The following MYO6 variants were observed in gnomAD, a reference collection of about 807,000 sequenced individuals.
MYO6 encodes the protein myosin VI.
In MYO6, 74 loss-of-function variants were observed where a neutral mutation model predicts 178.7. That is an observed-to-expected ratio of 0.41 (90% CI 0.34 to 0.50). The LOEUF (loss-of-function observed/expected upper bound fraction) is 0.50, where lower values mean the gene tolerates loss of function less well. Among genes scored for constraint, MYO6 ranks in the 20% least tolerant of loss-of-function variants. The pLI is 0.09. For missense variants in MYO6, 1,330 were observed against 1,547.4 expected (o/e 0.86, Z 2.36); for synonymous variants, 477 against 504.6 (o/e 0.95, Z 0.73).
intron 18 of MYO6, 33 bp downstream of exon 18, chr6:75,867,138 A>G (rs753396694): frequency 6.8e-7 from 1 of 1,478,470 alleles, no homozygotes; most frequent in Non-Finnish European, 9.2e-7. Flanking sequence ...TTTTTACTAT[A>G]TTTAAAATGA....
chr6:75,804,520 T>C (rs1237317271), intron 1 of MYO6, among the ~76,000 whole-genome samples: 1 of 152,152 alleles, frequency 6.6e-6, no homozygotes, highest in Non-Finnish European at 1.5e-5. Context: ...TCCCCTCCAC[T>C]GGAATTTAAG....
intron 1 of MYO6, among the ~76,000 whole-genome samples, chr6:75,758,381 G>A (rs946088540): frequency 4.6e-5 from 7 of 151,850 alleles, no homozygotes; most frequent in African/African-American, 1.7e-4. Context: ...GCTTATTTGG[G>A]GCTTATAGCA....
chr6:75,843,948 C>T (rs915922856), intron 9 of MYO6, among the ~76,000 whole-genome samples: 1 of 151,818 alleles, frequency 6.6e-6, no homozygotes, highest in Non-Finnish European at 1.5e-5. Context: ...GGAATTCATG[C>T]CATGGTACAA....
intron 11 of MYO6, among the ~76,000 whole-genome samples, chr6:75,851,922 A>T (rs919197066): frequency 6.6e-6 from 1 of 152,210 alleles, no homozygotes; most frequent in Non-Finnish European, 1.5e-5. Context: ...TGTCATAAAG[A>T]AGTTTTTGCA....
intron 23 of MYO6, among the ~76,000 whole-genome samples, chr6:75,884,689 T>A (rs1170121268): frequency 2.0e-5 from 3 of 152,170 alleles, no homozygotes; most frequent in Non-Finnish European, 4.4e-5. Context: ...GGGCTTGGGT[T>A]GGAGATGAAA....
chr6:75,787,702 CT>C (rs1767739111), intron 1 of MYO6, among the ~76,000 whole-genome samples: 1 of 66,980 alleles, frequency 1.5e-5, no homozygotes, highest in Non-Finnish European at 3.0e-5. Flanking sequence ...CTCTCTCTCT[CT>C]CTCTCTCTCT....
intron 7 of MYO6, among the ~76,000 whole-genome samples, chr6:75,839,556 C>CT (rs1160866776): frequency 6.6e-6 from 1 of 152,034 alleles, no homozygotes; most frequent in Non-Finnish European, 1.5e-5. Context: ...TCATGAAGCA[C>CT]TTTAAGTTTG....
intron 1 of MYO6, among the ~76,000 whole-genome samples, chr6:75,789,967 G>A (rs1768063819): frequency 6.6e-6 from 1 of 152,088 alleles, no homozygotes; most frequent in Admixed American, 6.6e-5. Flanking sequence ...TAGATTCCGT[G>A]TATGAGTGAG....
At chr6:75,767,667 C>T (rs1254358142) in intron 1 of MYO6, among the ~76,000 whole-genome samples, 1 of 151,680 alleles carries the variant, frequency 6.6e-6, no homozygotes, top group Non-Finnish European at 1.5e-5. Context: ...TACAGGTGCG[C>T]ACCACCACAC....
intron 1 of MYO6, among the ~76,000 whole-genome samples, chr6:75,755,235 A>C (rs147727423): frequency 4.1e-4 from 63 of 152,278 alleles, no homozygotes; most frequent in African/African-American, 1.5e-3. Context: ...CCCGTCTCTA[A>C]ATAAATAAAT....
chr6:75,761,811 G>C (rs1432517617), intron 1 of MYO6, among the ~76,000 whole-genome samples: 1 of 150,860 alleles, frequency 6.6e-6, no homozygotes, highest in African/African-American at 2.5e-5. Flanking sequence ...GGACAACAGA[G>C]TAGGTCAGCA....
chr6:75,807,671 A>G (rs992318726), intron 1 of MYO6, among the ~76,000 whole-genome samples: 1 of 152,216 alleles, frequency 6.6e-6, no homozygotes, highest in Non-Finnish European at 1.5e-5. Context: ...AAAGTAAAGG[A>G]ATAAAGAATA....
intron 29 of MYO6, 50 bp downstream of exon 29, chr6:75,895,310 G>A: frequency 1.4e-6 from 2 of 1,431,298 alleles, no homozygotes; most frequent in Non-Finnish European, 9.8e-7. Flanking sequence ...GATACTTTTT[G>A]GGAGTAGTTT....
intron 26 of MYO6, among the ~76,000 whole-genome samples, chr6:75,890,686 T>G (rs774621238): frequency 2.6e-5 from 4 of 152,184 alleles, no homozygotes; most frequent in African/African-American, 7.2e-5. Context: ...TGAACTAATT[T>G]TGTAATAAGT....
chr6:75,820,905 ATCT>A (rs1771806605), intron 2 of MYO6, among the ~76,000 whole-genome samples: 1 of 152,090 alleles, frequency 6.6e-6, no homozygotes, highest in Non-Finnish European at 1.5e-5. Flanking sequence ...AGACTATGTA[ATCT>A]TCTCAAGTGC....
chr6:75,787,806 C>A (rs1454832907), intron 1 of MYO6, among the ~76,000 whole-genome samples: 7 of 138,358 alleles, frequency 5.1e-5, no homozygotes. Context: ...GTTGCCCAGG[C>A]TGGAGTGCAG....
intron 1 of MYO6, among the ~76,000 whole-genome samples, chr6:75,769,258 C>T (rs534585185): frequency 1.3e-5 from 2 of 152,344 alleles, no homozygotes; most frequent in African/African-American, 4.8e-5. Context: ...ATACAATCAT[C>T]CCTTCCCAAA....
chr6:75,885,528 A>C (rs1397863984), intron 23 of MYO6, among the ~76,000 whole-genome samples: 6 of 151,410 alleles, frequency 4.0e-5, no homozygotes, highest in Non-Finnish European at 7.4e-5. Context: ...AGCTCACCGC[A>C]AGCTCCGCCT....
chr6:75,891,178 G>C, intron 26 of MYO6, 50 bp from the exon 27 acceptor site: 1 of 1,283,184 alleles, frequency 7.8e-7, no homozygotes, highest in African/African-American at 1.5e-5. Context: ...CCTTCTGAAG[G>C]ATTCTTTATT....
Sources: allele counts gnomAD v4.1 joint callset (sites outside exome capture counted in the v4.1 genomes callset), GRCh38; gene constraint gnomAD v4.1.1; transcripts MANE v1.5; gene names NCBI Gene and HGNC (gene_info 2026-07-23, HGNC 2026-07-21).